The following TMPRSS12 variants were observed in gnomAD, a reference collection of about 807,000 sequenced individuals.
TMPRSS12 encodes the protein transmembrane serine protease 12.
Under a neutral mutation model 26.0 loss-of-function variants are expected in TMPRSS12, and 25 were observed. The observed-to-expected ratio is 0.96, with a 90% CI of 0.70 to 1.34. The LOEUF is 1.34. Ranked by LOEUF, TMPRSS12 falls within the 40% of genes most tolerant of loss-of-function variation. TMPRSS12 has a pLI of 0.00. For synonymous variants in TMPRSS12, 150 were observed against 161.7 expected, an observed-to-expected ratio of 0.93 and a Z score of 0.55; for missense variants, 441 against 440.1, an observed-to-expected ratio of 1.00 and a Z score of -0.02.
At chr12:50,855,225 A>G (rs1937864324) in intron 2 of TMPRSS12, among the ~76,000 whole-genome samples, 1 of 152,180 alleles carries the variant, frequency 6.6e-6, no homozygotes, top group Admixed American at 6.6e-5. Flanking sequence ...GACAAGTGGA[A>G]CCTAATAAAA....
At chr12:50,880,703 G>A (rs957213260) in intron 3 of TMPRSS12, among the ~76,000 whole-genome samples, 2 of 152,014 alleles carry the variant, frequency 1.3e-5, no homozygotes, top group Non-Finnish European at 2.9e-5. Context: ...GCTCATCATA[G>A]CATTATTAAT....
At chr12:50,857,443 A>ATT (rs1937889097) in intron 2 of TMPRSS12, among the ~76,000 whole-genome samples, 1 of 85,230 alleles carries the variant, frequency 1.2e-5, no homozygotes, top group Non-Finnish European at 2.9e-5. Context: ...TGTTCCTCTA[A>ATT]CTCGTCTGCA....
intron 3 of TMPRSS12, among the ~76,000 whole-genome samples, chr12:50,868,634 T>C (rs1279540981): frequency 1.3e-5 from 2 of 152,068 alleles, no homozygotes; most frequent in Non-Finnish European, 1.5e-5. Flanking sequence ...AAACTATACC[T>C]TGGAACAAAT....
intron 3 of TMPRSS12, among the ~76,000 whole-genome samples, chr12:50,859,555 A>G (rs1368269395): frequency 2.6e-5 from 4 of 151,566 alleles, no homozygotes; most frequent in Middle Eastern, 3.4e-3. Flanking sequence ...ACAGGGTTTC[A>G]CCATGTTGAC....
chr12:50,883,980 C>A (rs1938199391), intron 3 of TMPRSS12, among the ~76,000 whole-genome samples: 1 of 152,002 alleles, frequency 6.6e-6, no homozygotes. Context: ...GGGACCCAGG[C>A]AAGAGGGCAA....
intron 3 of TMPRSS12, among the ~76,000 whole-genome samples, chr12:50,860,905 C>G (rs1160299372): frequency 6.6e-6 from 1 of 151,970 alleles, no homozygotes. Flanking sequence ...GCCATTGTGC[C>G]CAGCTTTTGT....
intron 1 of TMPRSS12, 149 bp downstream of exon 1, chr12:50,843,300 A>T (rs1433445905): frequency 1.4e-6 from 1 of 695,686 alleles, no homozygotes; most frequent in Non-Finnish European, 2.2e-6. Context: ...ACCGGCTGTA[A>T]TAACAGTAGT....
chr12:50,848,966 T>C (rs1005754156), intron 2 of TMPRSS12, among the ~76,000 whole-genome samples: 4 of 152,174 alleles, frequency 2.6e-5, no homozygotes, highest in African/African-American at 9.7e-5. Context: ...CCAGGATAAA[T>C]TGGTCCTCCC....
Position 50,860,325 on chromosome 12 carries a change from T to G in TMPRSS12, c.652+1272T>G, listed in dbSNP as rs568089801. Among the ~76,000 whole-genome samples, 3 of 152,318 alleles carry G rather than the reference T, an allele frequency of 2.0e-5. No individual in the cohort carries two copies. The South Asian group carries it at 6.2e-4, about 32-fold the overall frequency. ...CCAACTAATGGGAGGAATAAAAACA[T>G]AGACGACACAGTCTCTTTGGTAATA... On this transcript the variant is annotated intron_variant, in intron 3 of 4. Transcript: ENST00000398458.
At chr12:50,880,738 A>G (rs546497468) in intron 3 of TMPRSS12, among the ~76,000 whole-genome samples, 1 of 152,256 alleles carries the variant, frequency 6.6e-6, no homozygotes, top group Non-Finnish European at 1.5e-5. Flanking sequence ...GAAACAATTC[A>G]AAGTCCACCA....
chr12:50,865,478 A>G (rs749240132), intron 3 of TMPRSS12, among the ~76,000 whole-genome samples: 4 of 152,222 alleles, frequency 2.6e-5, no homozygotes, highest in Non-Finnish European at 5.9e-5. Flanking sequence ...GAAATAAGGT[A>G]TAAGAAGGAT....
chr12:50,847,220 G>A (rs936908431), intron 2 of TMPRSS12, among the ~76,000 whole-genome samples: 1 of 151,958 alleles, frequency 6.6e-6, no homozygotes, highest in African/African-American at 2.4e-5. Context: ...CACCATGCCT[G>A]GCTAATTTTT....
rs557493031 is a variant in TMPRSS12 at position 50,862,603 on chromosome 12, G to C, written c.652+3550G>C. On this transcript the variant is annotated intron_variant, in intron 3 of 4. Coordinates refer to ENST00000398458, the MANE Select transcript of TMPRSS12 (RefSeq NM_182559.3). The stretch of plus-strand genomic sequence containing the variant: ...GGTGGTGATGCGATCTCAGCTCACT[G>C]CATCTTCCGCCTCCTGGATTCAAAC... 7.3e-4 allele frequency among the ~76,000 whole-genome samples: 111 copies of C among 152,052 alleles called. 3 individuals carry two copies. Among genetic ancestry groups the C allele is most frequent in the Admixed American group, 6.4e-3 (98 of 15,274 alleles).
chr12:50,847,057 CTT>C (rs547352999), intron 2 of TMPRSS12, among the ~76,000 whole-genome samples: 1 of 109,902 alleles, frequency 9.1e-6, no homozygotes, highest in African/African-American at 3.9e-5. Context: ...AGTCTAAAAA[CTT>C]TTTTTTTTTT....
chr12:50,844,034 C>A lies in TMPRSS12; in HGVS notation c.380C>A (p.Ala127Asp), dbSNP rs771163219. Residue 127 changes from alanine (A) to aspartate (D), a missense_variant, in exon 2 of 5, where the codon GCT (alanine) becomes GAT (aspartate). By Grantham distance (126) the Ala-to-Asp change is moderately radical. Transcript: ENST00000398458. Reference protein sequence around the residue: ...VLTAAHCTKDASDPLMWTAVI... With the variant: ...VLTAAHCTKDDSDPLMWTAVI... ...ACAGCTGCCCACTGCACTAAAGACGCTAGGTACGTATTCAGAACACAACTA... is the reference window on the plus strand; with the variant it reads ...ACAGCTGCCCACTGCACTAAAGACGATAGGTACGTATTCAGAACACAACTA... 2.6e-6 allele frequency: 4 copies of A among 1,560,118 alleles called. No individual in the cohort carries two copies. The highest frequency in any genetic ancestry group is 3.5e-6 in the Non-Finnish European group (4 of 1,155,622).
intron 3 of TMPRSS12, among the ~76,000 whole-genome samples, chr12:50,869,849 A>C (rs928238309): frequency 4.6e-5 from 7 of 152,186 alleles, no homozygotes; most frequent in Non-Finnish European, 7.3e-5. Flanking sequence ...TTGGAAGGCC[A>C]AGGTGGGCAG....
At chr12:50,870,438 C>A (rs2139730753) in intron 3 of TMPRSS12, among the ~76,000 whole-genome samples, 1 of 152,046 alleles carries the variant, frequency 6.6e-6, no homozygotes. Context: ...AATCAACATA[C>A]AAGGGATATA....
chr12:50,859,686 C>T (rs1937916998), intron 3 of TMPRSS12, among the ~76,000 whole-genome samples: 1 of 152,180 alleles, frequency 6.6e-6, no homozygotes, highest in African/African-American at 2.4e-5. Context: ...TTTAGATATA[C>T]AAATGCTTTC....
At chr12:50,882,042 T>G (rs1938179983) in intron 3 of TMPRSS12, among the ~76,000 whole-genome samples, 1 of 125,892 alleles carries the variant, frequency 7.9e-6, no homozygotes, top group African/African-American at 3.0e-5. Context: ...TATATATATA[T>G]GTTTATTTAG....
Sources: gnomAD v4.1 joint callset for allele counts (sites outside exome capture counted in the v4.1 genomes callset) on GRCh38, gnomAD v4.1.1 for gene constraint, MANE v1.5 for transcripts, NCBI Gene and HGNC (gene_info 2026-07-23, HGNC 2026-07-21) for gene names.